Variants in TPX2 observed in about 807,000 individuals in gnomAD.
TPX2 encodes the protein TPX2 microtubule nucleation factor.
In TPX2, 21 loss-of-function variants were observed where a neutral mutation model predicts 93.6. The ratio of observed to expected loss-of-function variants is 0.22; its 90% CI spans 0.16 to 0.32. TPX2 has a LOEUF of 0.32. TPX2 is among the 10% of genes least tolerant of loss of function. The pLI, the probability that TPX2 is intolerant of heterozygous loss-of-function variation, is 1.00. For synonymous variants in TPX2, 281 were observed against 298.3 expected, an observed-to-expected ratio of 0.94 and a Z score of 0.60; for missense variants, 776 against 871.1, an observed-to-expected ratio of 0.89 and a Z score of 1.37.
chr20:31,765,792 CAGG>C lies in TPX2; in HGVS notation c.230-761_230-759del, dbSNP rs1265099740. Reference sequence around the variant, plus strand: ...AGCCACATAAAGATGATTCTGACATCAGGAGATCAGTGGATTTGCTTTTCTTTA... The same window carrying C: ...AGCCACATAAAGATGATTCTGACATCAGATCAGTGGATTTGCTTTTCTTTA... On this transcript the variant is annotated intron_variant, in intron 4 of 17. Transcript: ENST00000300403. Among the ~76,000 whole-genome samples the C allele has an allele frequency of 2.0e-5, 3 of 152,332 alleles. No individual in the cohort carries two copies. In the East Asian group the frequency reaches 5.8e-4, roughly 29 times the overall value.
chr20:31,760,014 G>C (rs2061878805), intron 3 of TPX2, 43 bp from the exon 4 acceptor site: 4 of 1,605,220 alleles, frequency 2.5e-6, no homozygotes, highest in Admixed American at 3.5e-5. Flanking sequence ...GATTTGTTTT[G>C]CTTCCTTGCT....
chr20:31,777,118 T>G (rs1361640574), intron 8 of TPX2, among the ~76,000 whole-genome samples: 1 of 152,204 alleles, frequency 6.6e-6, no homozygotes, highest in East Asian at 1.9e-4. Flanking sequence ...TTTATAGGAT[T>G]TTCCTCTTAG....
At chr20:31,760,029 A>C in intron 3 of TPX2, 28 bp from the exon 4 acceptor site, 1 of 1,609,136 alleles carries the variant, frequency 6.2e-7, no homozygotes, top group Non-Finnish European at 8.5e-7. Flanking sequence ...CTTGCTGATC[A>C]GACAATGATG....
intron 5 of TPX2, among the ~76,000 whole-genome samples, chr20:31,769,209 A>T (rs748570022): frequency 3.9e-5 from 3 of 76,524 alleles, no homozygotes; most frequent in African/African-American, 1.7e-4. Context: ...GTATAATAAT[A>T]AAAAAAAAAA....
Position 31,770,479 on chromosome 20 carries a change from G to T in TPX2, c.485+8G>T. On this transcript the variant is annotated splice_region_variant and intron_variant, in intron 6 of 17. Coordinates refer to ENST00000300403, the MANE Select transcript of TPX2 (RefSeq NM_012112.5). Reference sequence around the variant, plus strand: ...CTCTAAGAAAATGAAAGTGTGAGTAGCCACAACTTCTTACTGCCAAGGGCA... The same window carrying T: ...CTCTAAGAAAATGAAAGTGTGAGTATCCACAACTTCTTACTGCCAAGGGCA... 1 of 1,567,190 alleles carries T rather than the reference G, an allele frequency of 6.4e-7. No individual in the cohort carries two copies. The highest frequency in any genetic ancestry group is 8.6e-7 in the Non-Finnish European group (1 of 1,158,616).
Position 31,792,804 on chromosome 20 carries a change from A to G in TPX2, c.1483A>G (p.Ile495Val). Reference sequence around the variant, plus strand: ...ACCAGCCTTTGCATTGAAGAACAGAATTCGAATGCCCACCAAAGAAGATGA... The same window carrying G: ...ACCAGCCTTTGCATTGAAGAACAGAGTTCGAATGCCCACCAAAGAAGATGA... ...KSPAFALKNRIRMPTKEDEEE... is the reference protein window; with the variant it reads ...KSPAFALKNRVRMPTKEDEEE... The change falls in exon 13 of 18, where the codon ATT becomes GTT. Residue 495 changes from isoleucine (I) to valine (V), a missense_variant. By Grantham distance (29) the Ile-to-Val change is conservative. Around this residue, in one of 3 missense-constraint regions of TPX2, gnomAD observed 461 missense variants for 551.2 expected, o/e 0.84. Transcript: ENST00000300403. 1 of 1,614,188 alleles carries G rather than the reference A, an allele frequency of 6.2e-7. No individual in the cohort carries two copies. Among genetic ancestry groups the G allele is most frequent in the African/African-American group, 1.3e-5 (1 of 75,048 alleles).
intron 5 of TPX2, among the ~76,000 whole-genome samples, chr20:31,770,103 T>A (rs554903508): frequency 1.5e-4 from 23 of 152,244 alleles, no homozygotes; most frequent in African/African-American, 5.3e-4. Context: ...CCCAGCCAAG[T>A]TTTTCTTTTT....
intron 4 of TPX2, among the ~76,000 whole-genome samples, chr20:31,762,264 G>T (rs905363136): frequency 6.6e-6 from 1 of 152,102 alleles, no homozygotes; most frequent in African/African-American, 2.4e-5. Context: ...TTTTGCTTTT[G>T]TTGCCTATAC....
chr20:31,786,142 A>G (rs2062064437), intron 12 of TPX2, among the ~76,000 whole-genome samples: 1 of 152,156 alleles, frequency 6.6e-6, no homozygotes, highest in South Asian at 2.1e-4. Flanking sequence ...TAAGCACTGT[A>G]GGTACTTAAT....
Position 31,797,977 on chromosome 20 carries a change from A to G in TPX2, c.1946-388A>G, listed in dbSNP as rs115874796. The stretch of plus-strand genomic sequence containing the variant: ...TTTGGGAGGCCCGGACAGGAGGATC[A>G]CTTGAGCCCAGGGATTTGAGACCAG... On this transcript the variant is annotated intron_variant, in intron 16 of 17. Transcript: ENST00000300403. 4.7e-3 allele frequency among the ~76,000 whole-genome samples: 722 copies of G among 152,304 alleles called. 10 individuals are homozygous for G. Among genetic ancestry groups the G allele is most frequent in the African/African-American group, 0.016 (669 of 41,562 alleles).
At chr20:31,751,443 C>T (rs1026740597) in intron 2 of TPX2, among the ~76,000 whole-genome samples, 1 of 152,094 alleles carries the variant, frequency 6.6e-6, no homozygotes, top group Non-Finnish European at 1.5e-5. Context: ...TTCCTCCTTG[C>T]AGCAAGGGGT....
At chr20:31,754,188 G>C (rs1350833335) in intron 2 of TPX2, among the ~76,000 whole-genome samples, 1 of 151,964 alleles carries the variant, frequency 6.6e-6, no homozygotes, top group East Asian at 1.9e-4. Context: ...CAGCCTCCCG[G>C]GTTGAAGTGA....
intron 12 of TPX2, among the ~76,000 whole-genome samples, chr20:31,787,549 C>T (rs2062074570): frequency 6.6e-6 from 1 of 151,988 alleles, no homozygotes; most frequent in African/African-American, 2.4e-5. Flanking sequence ...GGATGCATGC[C>T]TGGGAGACAG....
Position 31,793,929 on chromosome 20 carries a change from A to G in TPX2, c.1591A>G (p.Arg531Gly). Residue 531 changes from arginine to glycine, a missense_variant, in exon 14 of 18, where the codon AGA becomes GGA. By Grantham distance (125) the Arg-to-Gly change is moderately radical. Transcript: ENST00000300403. ...TTTTAAGCCCCAAATCCCAGAGGCA[A>G]GAACTGTGGAAATATGCCCTTTCTC... ...VPFKPQIPEA[R>G]TVEICPFSFD... 1 of 1,614,048 alleles carries G rather than the reference A, an allele frequency of 6.2e-7. No homozygotes were observed. The highest frequency in any genetic ancestry group is 8.5e-7 in the Non-Finnish European group (1 of 1,179,964).
At chr20:31,743,699 A>C (rs545746334) in intron 2 of TPX2, among the ~76,000 whole-genome samples, 129 of 150,804 alleles carry the variant, frequency 8.6e-4, no homozygotes, top group Non-Finnish European at 4.0e-4. Flanking sequence ...TCTCAAAAAA[A>C]GTCTGTACAT....
rs552097224 is a variant in TPX2, at chr20:31,744,617, C to G, written c.-71+1970C>G. On this transcript the variant is annotated intron_variant, in intron 2 of 17. Transcript: ENST00000300403. ...GCGTGATCACAGCTCACTGCAGCCT[C>G]CATCTCCTGGGCTCAAGTGATCTTC... 5.9e-4 allele frequency among the ~76,000 whole-genome samples: 90 copies of G among 152,186 alleles called. No individual in the cohort carries two copies. In the South Asian group the frequency reaches 0.013, roughly 23 times the overall value.
In TPX2 at chr20:31,778,997, C is replaced by T; in HGVS notation, c.1054+13C>T. On this transcript the variant is annotated intron_variant, in intron 10 of 17. Transcript: ENST00000300403. ...AAGGATGATATTAGTAAGTTTCCTA[C>T]CAGTATCACAGTTGGATGGAACCTC... 1 of 1,559,960 alleles carries T rather than the reference C, an allele frequency of 6.4e-7. No individual in the cohort carries two copies. The highest frequency in any genetic ancestry group is 8.6e-7 in the Non-Finnish European group (1 of 1,157,310).
chr20:31,792,729 T>C lies in TPX2; in HGVS notation c.1414-6T>C, dbSNP rs769254889. The C allele has an allele frequency of 6.2e-7, 1 of 1,613,498 alleles. No individual in the cohort carries two copies. Among genetic ancestry groups the C allele is most frequent in the Non-Finnish European group, 8.5e-7 (1 of 1,179,406 alleles). On this transcript the variant is annotated splice_polypyrimidine_tract_variant and splice_region_variant and intron_variant, in intron 12 of 17. Coordinates refer to ENST00000300403, the MANE Select transcript of TPX2 (RefSeq NM_012112.5). Reference sequence around the variant, plus strand: ...GATATCTAATTGAGTTGCTTACTCCTTTCAGGGTGTTCCTGAAAAGAAGGT... The same window carrying C: ...GATATCTAATTGAGTTGCTTACTCCCTTCAGGGTGTTCCTGAAAAGAAGGT...
intron 2 of TPX2, among the ~76,000 whole-genome samples, chr20:31,752,608 A>G (rs189962649): frequency 6.6e-6 from 1 of 152,182 alleles, no homozygotes; most frequent in East Asian, 1.9e-4. Context: ...TCAGGACTAC[A>G]TCTACTTTTT....
Sources: allele counts gnomAD v4.1 joint callset (sites outside exome capture counted in the v4.1 genomes callset), GRCh38; gene constraint gnomAD v4.1.1; regional missense constraint gnomAD v4.1.1; transcripts MANE v1.5; gene names NCBI Gene and HGNC (gene_info 2026-07-23, HGNC 2026-07-21).